COL21A1: variants seen among roughly 807,000 people sequenced by gnomAD.
COL21A1 encodes collagen type XXI alpha 1 chain.
Under a neutral mutation model 137.9 loss-of-function variants are expected in COL21A1, and 149 were observed. The ratio of observed to expected loss-of-function variants is 1.08; its 90% CI spans 0.95 to 1.24. The LOEUF is 1.24. COL21A1 is among the 50% of genes most tolerant of loss of function. COL21A1 has a pLI of 0.00. For missense variants in COL21A1, 1,167 were observed against 1,158.4 expected, an observed-to-expected ratio of 1.01 and a Z score of -0.11; for synonymous variants, 456 against 391.5, an observed-to-expected ratio of 1.16 and a Z score of -1.95.
chr6:56,260,842 A>C (rs1763251833), intron 1 of COL21A1, among the ~76,000 whole-genome samples: 1 of 30,578 alleles, frequency 3.3e-5, no homozygotes, highest in South Asian at 1.4e-3. Context: ...AATTTACTTT[A>C]ATTCACTGTG....
intron 1 of COL21A1, among the ~76,000 whole-genome samples, chr6:56,216,584 A>G (rs1332839194): frequency 6.6e-6 from 1 of 152,148 alleles, no homozygotes; most frequent in African/African-American, 2.4e-5. Context: ...AATTCTTGAT[A>G]AGGGTCAACA....
intron 17 of COL21A1, among the ~76,000 whole-genome samples, chr6:56,095,662 C>G (rs561103757): frequency 6.6e-6 from 1 of 152,206 alleles, no homozygotes; most frequent in Non-Finnish European, 1.5e-5. Flanking sequence ...TCAGAGTATG[C>G]TTTCTTCTGC....
chr6:56,119,881 A>G (rs953664422), intron 16 of COL21A1, among the ~76,000 whole-genome samples: 1 of 152,174 alleles, frequency 6.6e-6, no homozygotes, highest in Non-Finnish European at 1.5e-5. Context: ...CTAGACCCCT[A>G]TCTCCTGGCA....
At chr6:56,183,387 C>A (rs1561958669) in intron 1 of COL21A1, among the ~76,000 whole-genome samples, 1 of 152,176 alleles carries the variant, frequency 6.6e-6, no homozygotes, top group Non-Finnish European at 1.5e-5. Context: ...CTGCTTTAAT[C>A]TCTGGCAGAA....
intron 1 of COL21A1, among the ~76,000 whole-genome samples, chr6:56,361,952 T>C (rs1242110128): frequency 6.6e-6 from 1 of 152,188 alleles, no homozygotes; most frequent in Non-Finnish European, 1.5e-5. Context: ...TTCCTTTGGC[T>C]CTCTGGCTGT....
chr6:56,126,759 A>G (rs1331118447), intron 12 of COL21A1: 2 of 152,192 alleles, frequency 1.3e-5, no homozygotes, highest in Non-Finnish European at 2.9e-5. Flanking sequence ...ATACTGCTTT[A>G]GCTTCAAAAT....
intron 1 of COL21A1, among the ~76,000 whole-genome samples, chr6:56,192,939 G>A (rs566281168): frequency 1.3e-5 from 2 of 152,270 alleles, no homozygotes; most frequent in East Asian, 3.9e-4. Context: ...ATGATAGACT[G>A]GATTAAGAAA....
intron 1 of COL21A1, among the ~76,000 whole-genome samples, chr6:56,211,137 A>G (rs894460817): frequency 6.8e-5 from 10 of 146,334 alleles, no homozygotes; most frequent in African/African-American, 2.5e-4. Context: ...GCAAGAGCAA[A>G]TTCTATATTT....
chr6:56,392,214 T>C (rs145291714), intron 1 of COL21A1, among the ~76,000 whole-genome samples: 1 of 152,284 alleles, frequency 6.6e-6, no homozygotes, highest in East Asian at 1.9e-4. Flanking sequence ...ATCAATGTGA[T>C]ATATCATACC....
chr6:56,193,685 C>T (rs900719960), intron 1 of COL21A1, among the ~76,000 whole-genome samples: 2 of 152,064 alleles, frequency 1.3e-5, no homozygotes, highest in Admixed American at 6.6e-5. Flanking sequence ...AAAAACTAGT[C>T]CATTACTGTC....
chr6:56,213,803 G>C (rs1185530464), intron 1 of COL21A1, among the ~76,000 whole-genome samples: 1 of 151,962 alleles, frequency 6.6e-6, no homozygotes, highest in Non-Finnish European at 1.5e-5. Flanking sequence ...GAACCTATTT[G>C]CGCCAGGCAT....
intron 1 of COL21A1, among the ~76,000 whole-genome samples, chr6:56,362,122 A>G (rs1320846630): frequency 6.6e-6 from 1 of 152,164 alleles, no homozygotes; most frequent in Admixed American, 6.5e-5. Context: ...GCACCCTGAA[A>G]TTGCCAGATG....
At chr6:56,174,930 T>A (rs1280003130) in intron 3 of COL21A1, among the ~76,000 whole-genome samples, 18 of 152,000 alleles carry the variant, frequency 1.2e-4, no homozygotes. Context: ...AAACTGAATT[T>A]AACAGCACAT....
At chr6:56,323,062 A>G (rs925587091) in intron 1 of COL21A1, among the ~76,000 whole-genome samples, 11 of 152,090 alleles carry the variant, frequency 7.2e-5, no homozygotes, top group African/African-American at 2.7e-4. Flanking sequence ...AATATTACCT[A>G]TTGGGTACAA....
chr6:56,387,205 A>C (rs1175175327), intron 1 of COL21A1, among the ~76,000 whole-genome samples: 1 of 152,206 alleles, frequency 6.6e-6, no homozygotes. Context: ...ATTGTTAATT[A>C]ACTGAATTAA....
chr6:56,248,326 C>T (rs1782755940), upstream of COL21A1, among the ~76,000 whole-genome samples: 2 of 152,224 alleles, frequency 1.3e-5, no homozygotes, highest in Admixed American at 1.3e-4. Context: ...GGCATTTCTT[C>T]TGCCTCCAAA....
chr6:56,207,431 T>C (rs187672158), intron 1 of COL21A1, among the ~76,000 whole-genome samples: 34 of 152,038 alleles, frequency 2.2e-4, no homozygotes, highest in African/African-American at 2.9e-4. Context: ...AACTAGAAAG[T>C]GTAGAATAAA....
intron 19 of COL21A1, 79 bp from the exon 20 acceptor site, chr6:56,074,364 A>G: frequency 1.1e-6 from 1 of 897,928 alleles, no homozygotes; most frequent in Non-Finnish European, 1.7e-6. Flanking sequence ...CAAGTTACAC[A>G]TTCTCATAAT....
intron 9 of COL21A1, among the ~76,000 whole-genome samples, chr6:56,161,164 G>A (rs940743782): frequency 1.3e-5 from 2 of 152,172 alleles, no homozygotes; most frequent in African/African-American, 4.8e-5. Context: ...AAAATTACTA[G>A]GGTGTAACAA....
Sources: gnomAD v4.1 joint callset for allele counts (sites outside exome capture counted in the v4.1 genomes callset) on GRCh38, gnomAD v4.1.1 for gene constraint, MANE v1.5 for transcripts, NCBI Gene and HGNC (gene_info 2026-07-23, HGNC 2026-07-21) for gene names.